Variants in CSTPP1 observed in about 807,000 individuals in gnomAD.
CSTPP1 encodes the protein UPF0705 protein C11orf49.
chr11:47,115,717 T>C, the CSTPP1 span, among the ~76,000 whole-genome samples: 1 of 152,142 alleles, frequency 6.6e-6, no homozygotes, highest in Non-Finnish European at 1.5e-5. Context: ...TCTTTATTCA[T>C]CTTGCTAGCG....
chr11:47,091,279 C>A, the CSTPP1 span, among the ~76,000 whole-genome samples: 13 of 151,236 alleles, frequency 8.6e-5, no homozygotes, highest in African/African-American at 3.2e-4. Flanking sequence ...GAGGCTGAGG[C>A]AGGAGAATCA....
At chr11:47,078,050 T>A in the CSTPP1 span, among the ~76,000 whole-genome samples, 3 of 152,196 alleles carry the variant, frequency 2.0e-5, no homozygotes, top group African/African-American at 7.2e-5. Flanking sequence ...AAAATTAGTA[T>A]CATGAAAAGA....
the CSTPP1 span, among the ~76,000 whole-genome samples, chr11:47,097,261 G>A: frequency 8.5e-6 from 1 of 117,610 alleles, no homozygotes; most frequent in Non-Finnish European, 1.8e-5. Context: ...CAGCCGCCCC[G>A]TCCGGGAGGG....
At chr11:46,994,052 G>A in the CSTPP1 span, among the ~76,000 whole-genome samples, 3 of 152,106 alleles carry the variant, frequency 2.0e-5, no homozygotes, top group South Asian at 2.1e-4. Context: ...GTGAATGGGC[G>A]TTCACTCATG....
At chr11:47,119,553 T>A in the CSTPP1 span, among the ~76,000 whole-genome samples, 1 of 150,536 alleles carries the variant, frequency 6.6e-6, no homozygotes, top group African/African-American at 2.4e-5. Flanking sequence ...TGCTGGGAGC[T>A]ACAGAACGGA....
At chr11:46,980,142 C>T in the CSTPP1 span, among the ~76,000 whole-genome samples, 1 of 152,120 alleles carries the variant, frequency 6.6e-6, no homozygotes, top group Non-Finnish European at 1.5e-5. Context: ...TAATGGTTGA[C>T]CAGAGACTGT....
At chr11:46,998,308 T>TA in the CSTPP1 span, among the ~76,000 whole-genome samples, 2 of 152,194 alleles carry the variant, frequency 1.3e-5, no homozygotes, top group African/African-American at 2.4e-5. Context: ...TGCTGAGCTG[T>TA]AGTGAACCAA....
chr11:47,067,109 A>C, the CSTPP1 span, among the ~76,000 whole-genome samples: 1 of 152,212 alleles, frequency 6.6e-6, no homozygotes, highest in Non-Finnish European at 1.5e-5. Flanking sequence ...AGATTCATAC[A>C]GATAAGTAGC....
chr11:47,066,820 T>C, the CSTPP1 span, among the ~76,000 whole-genome samples: 1 of 152,204 alleles, frequency 6.6e-6, no homozygotes, highest in African/African-American at 2.4e-5. Flanking sequence ...AAAAATTGGG[T>C]AATCTTACTT....
chr11:46,996,538 G>T, the CSTPP1 span, among the ~76,000 whole-genome samples: 5,618 of 152,046 alleles, frequency 0.037, 327 homozygotes, highest in African/African-American at 0.13. Context: ...TCCTGACCTC[G>T]TGATCCGCCC....
At chr11:47,111,793 T>C in the CSTPP1 span, among the ~76,000 whole-genome samples, 7 of 152,334 alleles carry the variant, frequency 4.6e-5, no homozygotes, top group East Asian at 1.3e-3. Context: ...TCCTCCAGAC[T>C]AGCTCTGCTT....
At chr11:47,051,563 G>T in the CSTPP1 span, among the ~76,000 whole-genome samples, 2 of 151,902 alleles carry the variant, frequency 1.3e-5, no homozygotes, top group Non-Finnish European at 2.9e-5. Context: ...TGTCTCTGGG[G>T]TTATTGTCAG....
the CSTPP1 span, among the ~76,000 whole-genome samples, chr11:47,031,853 C>T: frequency 6.6e-6 from 1 of 151,866 alleles, no homozygotes; most frequent in African/African-American, 2.4e-5. Context: ...TCACAAGGTC[C>T]CACAATAGGC....
the CSTPP1 span, among the ~76,000 whole-genome samples, chr11:47,047,147 C>T: frequency 2.0e-5 from 3 of 152,186 alleles, no homozygotes; most frequent in African/African-American, 2.4e-5. Context: ...GTGATCTGCC[C>T]GCGTCAACCT....
At chr11:47,029,012 A>T in the CSTPP1 span, among the ~76,000 whole-genome samples, 2 of 143,344 alleles carry the variant, frequency 1.4e-5, no homozygotes, top group South Asian at 2.2e-4. Flanking sequence ...TAATTTTCAT[A>T]TTTTTTTTTT....
the CSTPP1 span, among the ~76,000 whole-genome samples, chr11:47,071,750 A>C: frequency 1.3e-3 from 204 of 152,380 alleles, 1 homozygote; most frequent in Admixed American, 4.6e-3. Context: ...TTTCCACTAC[A>C]AACTTTAAAA....
At chr11:46,971,324 T>C in the CSTPP1 span, among the ~76,000 whole-genome samples, 2 of 152,232 alleles carry the variant, frequency 1.3e-5, no homozygotes, top group Non-Finnish European at 2.9e-5. Context: ...TTTGAGTTAG[T>C]TAAAACACAG....
the CSTPP1 span, among the ~76,000 whole-genome samples, chr11:47,096,812 A>G: frequency 1.6e-5 from 1 of 63,314 alleles, no homozygotes; most frequent in Non-Finnish European, 3.6e-5. Flanking sequence ...GGCCCAGCAG[A>G]AAAAAAAAAA....
chr11:47,157,030 G>A, the CSTPP1 span: 41 of 1,613,916 alleles, frequency 2.5e-5, no homozygotes, highest in Non-Finnish European at 3.3e-5. Flanking sequence ...CAGAATTCCT[G>A]GACAGTGTGG....
Sources: allele counts gnomAD v4.1 joint callset (sites outside exome capture counted in the v4.1 genomes callset), GRCh38; gene constraint gnomAD v4.1.1; transcripts MANE v1.5; gene names NCBI Gene and HGNC (gene_info 2026-07-23, HGNC 2026-07-21).